PALM2AKAP2: variants seen among roughly 807,000 people sequenced by gnomAD.
PALM2AKAP2 encodes PALM2-AKAP2 fusion protein.
In PALM2AKAP2, 37 loss-of-function variants were observed where a neutral mutation model predicts 71.5. The ratio of observed to expected loss-of-function variants is 0.52; its 90% CI spans 0.40 to 0.68. The LOEUF (loss-of-function observed/expected upper bound fraction) is 0.68, where lower values mean the gene tolerates loss of function less well. PALM2AKAP2 is among the 30% of genes least tolerant of loss of function. PALM2AKAP2 has a pLI of 0.00. For missense variants in PALM2AKAP2, 1,224 were observed against 1,191.8 expected, an observed-to-expected ratio of 1.03 and a Z score of -0.40; for synonymous variants, 468 against 478.8, an observed-to-expected ratio of 0.98 and a Z score of 0.29.
intron 1 of PALM2AKAP2, among the ~76,000 whole-genome samples, chr9:109,704,129 T>C (rs910176548): frequency 6.6e-6 from 1 of 152,126 alleles, no homozygotes; most frequent in African/African-American, 2.4e-5. Flanking sequence ...AGATGGAGTA[T>C]AGAGCAGAAA....
At chr9:110,008,549 C>T (rs1832822810) in intron 6 of PALM2AKAP2, among the ~76,000 whole-genome samples, 1 of 151,928 alleles carries the variant, frequency 6.6e-6, no homozygotes, top group African/African-American at 2.4e-5. Flanking sequence ...CAAATTTATC[C>T]AAAGGAGTCT....
At chr9:109,970,242 C>T (rs1832040335) in intron 6 of PALM2AKAP2, among the ~76,000 whole-genome samples, 1 of 152,134 alleles carries the variant, frequency 6.6e-6, no homozygotes, top group South Asian at 2.1e-4. Flanking sequence ...TTTTGAAAGA[C>T]ACACAGAATA....
In PALM2AKAP2 at chr9:110,137,550, C is replaced by T. The variant is rs530255881; in HGVS notation, c.1580C>T (p.Thr527Met). Residue 527 changes from threonine to methionine, a missense_variant, in exon 2 of 4, where the codon ACG becomes ATG. Physicochemically the swap from Thr to Met is moderately conservative, Grantham distance 81. Transcript: ENST00000374525. Reference sequence around the variant, plus strand: ...CTGTGGGCTGAGGATGGAGAATTTACGAGCGCCCGGGCTGTCCTCACTGTG... The same window carrying T: ...CTGTGGGCTGAGGATGGAGAATTTATGAGCGCCCGGGCTGTCCTCACTGTG... 4.4e-5 allele frequency: 71 copies of T among 1,614,164 alleles called. 1 individual carries two copies. The South Asian group carries it at 4.5e-4, about 10-fold the overall frequency.
intron 1 of PALM2AKAP2, among the ~76,000 whole-genome samples, chr9:109,831,048 T>C (rs1402168046): frequency 2.0e-5 from 3 of 152,056 alleles, no homozygotes; most frequent in African/African-American, 7.2e-5. Flanking sequence ...AACCCAATTC[T>C]GTTGAAGTAG....
rs192132908 is a variant in PALM2AKAP2, at chr9:110,014,733, A to T, written c.497-1221A>T. On this transcript the variant is annotated intron_variant, in intron 6 of 9. Coordinates refer to the PALM2AKAP2 transcript ENST00000302798. ...GGTTGCACTGAGCCAAGATTGCACC[A>T]CTGCATTCCAGCCTGGGCGACAGAG... Among the ~76,000 whole-genome samples the T allele has an allele frequency of 4.8e-3, 671 of 138,482 alleles. 12 individuals are homozygous for T. The highest frequency in any genetic ancestry group is 0.017 in the African/African-American group (619 of 37,246). 90.8% of individuals were successfully genotyped at this position (138,482 alleles called of 152,430 possible).
intron 3 of PALM2AKAP2, among the ~76,000 whole-genome samples, chr9:109,888,215 T>C (rs776038769): frequency 6.6e-6 from 1 of 152,252 alleles, no homozygotes; most frequent in Non-Finnish European, 1.5e-5. Flanking sequence ...AAGCCGGACC[T>C]CAGAGCTTGA....
chr9:110,018,232 C>T (rs1833016404), intron 7 of PALM2AKAP2, among the ~76,000 whole-genome samples: 1 of 152,124 alleles, frequency 6.6e-6, no homozygotes, highest in South Asian at 2.1e-4. Context: ...TTCTTTTACC[C>T]CTGCCCTACC....
chr9:110,002,983 C>A (rs959909458), intron 6 of PALM2AKAP2, among the ~76,000 whole-genome samples: 1 of 152,160 alleles, frequency 6.6e-6, no homozygotes, highest in African/African-American at 2.4e-5. Context: ...AAAAAACCAC[C>A]TCCCGGATTC....
intron 3 of PALM2AKAP2, among the ~76,000 whole-genome samples, chr9:109,911,994 A>G (rs1271840438): frequency 6.6e-6 from 1 of 152,182 alleles, no homozygotes. Context: ...ATTATGGAAA[A>G]CATTCCTAAA....
At chr9:110,165,442 T>C (rs1421855372) in intron 3 of PALM2AKAP2, among the ~76,000 whole-genome samples, 2 of 152,188 alleles carry the variant, frequency 1.3e-5, no homozygotes, top group African/African-American at 4.8e-5. Flanking sequence ...ATAAGCCTTA[T>C]GAACCCAAAG....
chr9:109,742,663 T>C (rs1003426111), intron 1 of PALM2AKAP2, among the ~76,000 whole-genome samples: 1 of 152,194 alleles, frequency 6.6e-6, no homozygotes, highest in African/African-American at 2.4e-5. Flanking sequence ...ACATGCAGGA[T>C]TATATATTTC....
At chr9:109,669,307 T>C (rs923506272) in intron 1 of PALM2AKAP2, among the ~76,000 whole-genome samples, 1 of 152,144 alleles carries the variant, frequency 6.6e-6, no homozygotes, top group African/African-American at 2.4e-5. Context: ...TGTCATATAC[T>C]TTTTTCTAGA....
intron 7 of PALM2AKAP2, among the ~76,000 whole-genome samples, chr9:110,041,855 A>T (rs1260534414): frequency 6.6e-6 from 1 of 152,172 alleles, no homozygotes; most frequent in African/African-American, 2.4e-5. Flanking sequence ...TTAAGCAAAC[A>T]CAGATTCCTG....
At chr9:109,785,631 G>T (rs1047979154) in intron 1 of PALM2AKAP2, among the ~76,000 whole-genome samples, 3 of 152,210 alleles carry the variant, frequency 2.0e-5, no homozygotes, top group Non-Finnish European at 4.4e-5. Flanking sequence ...GAGAGCTTGT[G>T]CAGGGAAACT....
intron 6 of PALM2AKAP2, among the ~76,000 whole-genome samples, chr9:109,953,834 CAAA>C (rs34719180): frequency 2.1e-5 from 1 of 48,620 alleles, no homozygotes; most frequent in Non-Finnish European, 4.3e-5. Flanking sequence ...GACTCCATCT[CAAA>C]AAAAAAAAAA....
intron 1 of PALM2AKAP2, among the ~76,000 whole-genome samples, chr9:109,717,933 T>TA (rs1828351206): frequency 6.6e-6 from 1 of 151,946 alleles, no homozygotes; most frequent in South Asian, 2.1e-4. Flanking sequence ...TAAAAGGAGA[T>TA]ATGTGGAAAG....
chr9:110,008,820 T>A (rs1051357288), intron 6 of PALM2AKAP2, among the ~76,000 whole-genome samples: 2 of 151,076 alleles, frequency 1.3e-5, no homozygotes, highest in Non-Finnish European at 3.0e-5. Flanking sequence ...AGGGGCAGGG[T>A]CATGTGACCA....
chr9:110,012,508 G>A (rs1018523887), intron 6 of PALM2AKAP2, among the ~76,000 whole-genome samples: 14 of 151,892 alleles, frequency 9.2e-5, no homozygotes, highest in Admixed American at 2.6e-4. Flanking sequence ...TTTTCTCCTT[G>A]GAAGGAATTT....
intron 2 of PALM2AKAP2, among the ~76,000 whole-genome samples, chr9:110,154,463 T>C (rs1404934968): frequency 6.6e-6 from 1 of 152,166 alleles, no homozygotes; most frequent in Non-Finnish European, 1.5e-5. Flanking sequence ...AGGTCTGGGA[T>C]TGGTTTAAAA....
Sources: allele counts gnomAD v4.1 joint callset (sites outside exome capture counted in the v4.1 genomes callset), GRCh38; gene constraint gnomAD v4.1.1; transcripts MANE v1.5; gene names NCBI Gene and HGNC (gene_info 2026-07-23, HGNC 2026-07-21).